The following SLC18A1 variants were observed in gnomAD, a reference collection of about 807,000 sequenced individuals.
The protein encoded by SLC18A1 is chromaffin granule amine transporter.
In SLC18A1, 69 loss-of-function variants were observed where a neutral mutation model predicts 53.7. The observed-to-expected ratio is 1.28, with a 90% CI of 1.06 to 1.57. The LOEUF (loss-of-function observed/expected upper bound fraction) is 1.57. Ranked by LOEUF, SLC18A1 falls within the 40% of genes most tolerant of loss-of-function variation. The probability of loss-of-function intolerance (pLI) is 0.00; values close to 1 mark genes in which losing one functional copy is unlikely to be tolerated. For synonymous variants in SLC18A1, 320 were observed against 248.1 expected (o/e 1.29, Z -2.72); for missense variants, 932 against 668.1 (o/e 1.40, Z -4.35).
chr8:20,166,372 T>A (rs1023326989), intron 8 of SLC18A1, among the ~76,000 whole-genome samples: 5 of 139,632 alleles, frequency 3.6e-5, no homozygotes, highest in Admixed American at 7.4e-5. Context: ...TTCTGTGAAC[T>A]AGTAGAGTAA....
rs539443268 is a variant in SLC18A1, at chr8:20,180,556, G to C, written c.124+285C>G. On this transcript the variant is annotated intron_variant, in intron 2 of 15. Transcript: ENST00000276373. The stretch of plus-strand genomic sequence containing the variant: ...GCACCTTGAGAAGACAGTGTGGGGA[G>C]AAAGAAAAGCACAGCCAGTTCTGGC... Among the ~76,000 whole-genome samples the C allele has an allele frequency of 3.3e-5, 5 of 152,338 alleles. No individual in the cohort carries two copies. The East Asian group carries it at 9.6e-4, about 29-fold the overall frequency.
intron 1 of SLC18A1, among the ~76,000 whole-genome samples, chr8:20,181,400 C>G (rs1310020226): frequency 6.6e-6 from 1 of 152,092 alleles, no homozygotes; most frequent in Non-Finnish European, 1.5e-5. Flanking sequence ...TATCTAAGGA[C>G]TACCTGTACT....
chr8:20,151,797 T>A (rs954974325), intron 10 of SLC18A1, among the ~76,000 whole-genome samples: 1 of 152,022 alleles, frequency 6.6e-6, no homozygotes. Flanking sequence ...GTCTCTTCCA[T>A]TCATTCATTC....
In SLC18A1 at chr8:20,159,430, G is replaced by T. The variant is rs117181336; in HGVS notation, c.1015+5439C>A. On this transcript the variant is annotated intron_variant, in intron 10 of 15. Transcript: ENST00000276373. Reference sequence around the variant, plus strand: ...CAGCTCACACCTGACCAATCACATAGTAAAGAGAGCTCACTAAAATACCAA... The same window carrying T: ...CAGCTCACACCTGACCAATCACATATTAAAGAGAGCTCACTAAAATACCAA... 3.1e-3 allele frequency among the ~76,000 whole-genome samples: 464 copies of T among 152,094 alleles called. 8 individuals carry two copies. The East Asian group carries it at 0.035, about 11-fold the overall frequency.
chr8:20,174,529 C>T, intron 4 of SLC18A1, 85 bp from the exon 5 acceptor site: 1 of 830,278 alleles, frequency 1.2e-6, no homozygotes, highest in Non-Finnish European at 2.1e-6. Context: ...CGTGATACTG[C>T]AGATATGAGT....
intron 4 of SLC18A1, among the ~76,000 whole-genome samples, chr8:20,177,034 A>T (rs2072269451): frequency 6.6e-6 from 1 of 152,218 alleles, no homozygotes; most frequent in Non-Finnish European, 1.5e-5. Flanking sequence ...TCTGGGCATT[A>T]TACATGCACT....
chr8:20,160,206 C>T (rs753809188), intron 10 of SLC18A1, among the ~76,000 whole-genome samples: 20 of 149,360 alleles, frequency 1.3e-4, no homozygotes, highest in Non-Finnish European at 3.0e-4. Flanking sequence ...TGTACCCATT[C>T]GTTTATATTT....
At chr8:20,165,790 C>G (rs552233371) in intron 8 of SLC18A1, among the ~76,000 whole-genome samples, 5 of 152,174 alleles carry the variant, frequency 3.3e-5, no homozygotes, top group African/African-American at 4.8e-5. Context: ...TCTACCCACT[C>G]TTTAAAGTCA....
At position 20,154,451 on chromosome 8, in the gene SLC18A1, G is replaced by C. The variant is rs933259463; in HGVS notation, c.1016-3707C>G. Among the ~76,000 whole-genome samples the C allele has an allele frequency of 2.6e-5, 4 of 152,302 alleles. No homozygotes were observed. The South Asian group carries it at 6.2e-4, about 24-fold the overall frequency. On this transcript the variant is annotated intron_variant, in intron 10 of 15. Coordinates refer to ENST00000276373, the MANE Select transcript of SLC18A1 (RefSeq NM_003053.4). The stretch of plus-strand genomic sequence containing the variant: ...GATGTTTGCAACAAACAAGGGTTCG[G>C]TGGTGTAATCTAACGACATGACATT...
In SLC18A1 at chr8:20,150,606, G is replaced by T. The variant is rs1016100579; in HGVS notation, c.1094+60C>A. 4.3e-6 allele frequency: 6 copies of T among 1,393,166 alleles called. No individual in the cohort carries two copies. In the Admixed American group the frequency reaches 5.0e-5, roughly 12 times the overall value. 86.3% of individuals were successfully genotyped at this position (1,393,166 alleles called of 1,614,324 possible). A position where few individuals can be genotyped will look rare whatever the true frequency, so the allele number is the denominator to read the frequency against. On this transcript the variant is annotated intron_variant, in intron 11 of 15. Coordinates refer to ENST00000276373, the MANE Select transcript of SLC18A1 (RefSeq NM_003053.4). ...AAGCTGTTCATCATTCCAAGATCAG[G>T]AACGGGCGCTCTTCCATCTTACATT...
chr8:20,156,506 C>A (rs1158132693), intron 10 of SLC18A1, among the ~76,000 whole-genome samples: 2 of 152,230 alleles, frequency 1.3e-5, no homozygotes, highest in Non-Finnish European at 2.9e-5. Flanking sequence ...AATGGGTATT[C>A]AGTAATTGAT....
At chr8:20,161,420 A>G (rs892812419) in intron 10 of SLC18A1, among the ~76,000 whole-genome samples, 2 of 152,232 alleles carry the variant, frequency 1.3e-5, no homozygotes, top group Admixed American at 1.3e-4. Flanking sequence ...TATAACAACT[A>G]TTTATATAGC....
At chr8:20,171,654 C>G (rs2072120224) in intron 6 of SLC18A1, among the ~76,000 whole-genome samples, 160 bp from the exon 7 acceptor site, 1 of 152,108 alleles carries the variant, frequency 6.6e-6, no homozygotes, top group South Asian at 2.1e-4. Flanking sequence ...ATCCCTGTCC[C>G]CATCAAGCCC....
At chr8:20,178,120 T>A (rs55816889) in intron 4 of SLC18A1, among the ~76,000 whole-genome samples, 404 of 62,064 alleles carry the variant, frequency 6.5e-3, no homozygotes, top group African/African-American at 0.032. Context: ...CTGATGCATA[T>A]AACACACACA....
intron 10 of SLC18A1, among the ~76,000 whole-genome samples, chr8:20,157,067 C>T (rs1274491028): frequency 4.6e-5 from 7 of 152,078 alleles, no homozygotes; most frequent in Non-Finnish European, 4.4e-5. Context: ...GTAACTAATC[C>T]GGTAAGCAGA....
chr8:20,164,407 G>A (rs931563026), intron 10 of SLC18A1, among the ~76,000 whole-genome samples: 1 of 152,166 alleles, frequency 6.6e-6, no homozygotes, highest in African/African-American at 2.4e-5. Flanking sequence ...GGAGAATGTG[G>A]ATGGTAATGG....
chr8:20,164,551 G>A (rs1032134192), intron 10 of SLC18A1, among the ~76,000 whole-genome samples: 2 of 152,148 alleles, frequency 1.3e-5, no homozygotes, highest in African/African-American at 4.8e-5. Context: ...AGGGTTTAAG[G>A]CATCTGCACA....
At chr8:20,172,776 G>A (rs538989824) in intron 6 of SLC18A1, among the ~76,000 whole-genome samples, 10 of 152,294 alleles carry the variant, frequency 6.6e-5, no homozygotes, top group East Asian at 1.9e-4. Context: ...CATGGGAACC[G>A]AGGCGAAGCA....
At chr8:20,148,212 T>C (rs1207628419) in intron 12 of SLC18A1, 142 bp from the exon 13 acceptor site, 21 of 741,988 alleles carry the variant, frequency 2.8e-5, no homozygotes, top group Non-Finnish European at 2.3e-6. Context: ...TCAGACTTTC[T>C]CATGGAAAAG....
Sources: gnomAD v4.1 joint callset for allele counts (sites outside exome capture counted in the v4.1 genomes callset) on GRCh38, gnomAD v4.1.1 for gene constraint, MANE v1.5 for transcripts, NCBI Gene and HGNC (gene_info 2026-07-23, HGNC 2026-07-21) for gene names.